The following ST3GAL3 variants were observed in gnomAD, a reference collection of about 807,000 sequenced individuals.
ST3GAL3 encodes the protein ST3 beta-galactoside alpha-2,3-sialyltransferase 3, also known as CMP-N-acetylneuraminate-beta-1,4-galactoside alpha-2,3-sialyltransferase.
Under a neutral mutation model 50.1 loss-of-function variants are expected in ST3GAL3, and 21 were observed. The observed-to-expected ratio is 0.42, with a 90% CI of 0.30 to 0.60. The LOEUF is 0.60. ST3GAL3 is among the 20% of genes least tolerant of loss of function. The probability of loss-of-function intolerance (pLI) is 0.19; values close to 1 mark genes in which losing one functional copy is unlikely to be tolerated. For synonymous variants in ST3GAL3, 183 were observed against 190.0 expected (o/e 0.96, Z 0.30); for missense variants, 353 against 489.4 (o/e 0.72, Z 2.63).
chr1:43,856,745 G>T (rs576259267), intron 5 of ST3GAL3, among the ~76,000 whole-genome samples: 2 of 152,286 alleles, frequency 1.3e-5, no homozygotes, highest in Admixed American at 6.5e-5. Context: ...AGCGTCAGGT[G>T]TTGGGACCTC....
chr1:43,797,534 A>C (rs997948486), intron 3 of ST3GAL3, among the ~76,000 whole-genome samples: 1 of 152,326 alleles, frequency 6.6e-6, no homozygotes, highest in Admixed American at 6.5e-5. Flanking sequence ...TGTCTAAAGA[A>C]AAAAAACTGC....
chr1:43,769,698 A>G (rs1694358653), intron 2 of ST3GAL3, among the ~76,000 whole-genome samples: 1 of 152,192 alleles, frequency 6.6e-6, no homozygotes, highest in Non-Finnish European at 1.5e-5. Context: ...TCTCTTTGCT[A>G]TCTTGAGAAC....
intron 5 of ST3GAL3, among the ~76,000 whole-genome samples, chr1:43,883,652 C>T (rs2075518374): frequency 6.6e-6 from 1 of 152,220 alleles, no homozygotes; most frequent in African/African-American, 2.4e-5. Context: ...TCACACATTG[C>T]TCCACCTGCC....
chr1:43,710,557 A>G (rs1040598151), intron 1 of ST3GAL3, among the ~76,000 whole-genome samples: 4 of 152,188 alleles, frequency 2.6e-5, no homozygotes, highest in Admixed American at 2.6e-4. Flanking sequence ...GCTCCCCATT[A>G]TCTGTTGCGT....
intron 2 of ST3GAL3, among the ~76,000 whole-genome samples, chr1:43,750,829 T>C (rs1403901231): frequency 6.6e-6 from 1 of 151,896 alleles, no homozygotes; most frequent in Non-Finnish European, 1.5e-5. Flanking sequence ...TGAGCTGTGC[T>C]CACGCCTCTG....
chr1:43,841,676 T>G (rs1429712783), intron 5 of ST3GAL3: 2 of 152,250 alleles, frequency 1.3e-5, no homozygotes, highest in Non-Finnish European at 2.9e-5. Context: ...CAATAATCTC[T>G]AAAATGCCTT....
At chr1:43,765,780 T>G (rs1038212285) in intron 2 of ST3GAL3, among the ~76,000 whole-genome samples, 1 of 138,846 alleles carries the variant, frequency 7.2e-6, no homozygotes, top group Admixed American at 6.9e-5. Flanking sequence ...TGTGTGTGTG[T>G]GTGTGCGCGC....
intron 2 of ST3GAL3, among the ~76,000 whole-genome samples, chr1:43,753,974 T>A (rs1687124408): frequency 6.6e-6 from 1 of 152,160 alleles, no homozygotes; most frequent in Non-Finnish European, 1.5e-5. Flanking sequence ...CCAGCCACCT[T>A]CACAGAACGT....
intron 9 of ST3GAL3, among the ~76,000 whole-genome samples, chr1:43,910,262 G>A (rs1043790246): frequency 6.6e-6 from 1 of 152,298 alleles, no homozygotes; most frequent in East Asian, 1.9e-4. Flanking sequence ...CCTGCCGAGG[G>A]TGTGGGCACC....
At chr1:43,846,893 A>G (rs1022647396) in intron 5 of ST3GAL3, among the ~76,000 whole-genome samples, 3 of 152,238 alleles carry the variant, frequency 2.0e-5, no homozygotes, top group African/African-American at 4.8e-5. Context: ...TTTGCAAATC[A>G]TATATCTGAT....
chr1:43,791,778 T>G (rs562027537), intron 2 of ST3GAL3, among the ~76,000 whole-genome samples: 1 of 152,344 alleles, frequency 6.6e-6, no homozygotes, highest in South Asian at 2.1e-4. Context: ...ACTTTTATTT[T>G]GCTTTGTTTT....
chr1:43,858,269 C>T (rs986615798), intron 5 of ST3GAL3: 37 of 1,287,968 alleles, frequency 2.9e-5, no homozygotes, highest in African/African-American at 1.5e-4. Flanking sequence ...ACTGGGGAGA[C>T]GTCCTGGTGA....
chr1:43,864,993 A>G (rs1475069853), intron 5 of ST3GAL3, among the ~76,000 whole-genome samples: 1 of 151,138 alleles, frequency 6.6e-6, no homozygotes, highest in Non-Finnish European at 1.5e-5. Flanking sequence ...ATTTCTTCCT[A>G]GTGTAAACAG....
intron 3 of ST3GAL3, among the ~76,000 whole-genome samples, chr1:43,793,706 C>G (rs145486305): frequency 6.6e-6 from 1 of 152,166 alleles, no homozygotes; most frequent in Admixed American, 6.5e-5. Flanking sequence ...AAACTTGCAT[C>G]TATTTGTATA....
At chr1:43,820,132 A>G (rs2154183135) in intron 4 of ST3GAL3, among the ~76,000 whole-genome samples, 1 of 152,296 alleles carries the variant, frequency 6.6e-6, no homozygotes. Flanking sequence ...GGAACATAAT[A>G]GAGAACCCAG....
At chr1:43,824,293 G>T (rs2062482218) in intron 4 of ST3GAL3, among the ~76,000 whole-genome samples, 1 of 151,728 alleles carries the variant, frequency 6.6e-6, no homozygotes, top group Non-Finnish European at 1.5e-5. Flanking sequence ...ATCTCCTGGA[G>T]AGACTGTCAC....
chr1:43,738,482 G>A (rs1386027828), intron 2 of ST3GAL3: 1 of 152,190 alleles, frequency 6.6e-6, no homozygotes, highest in Non-Finnish European at 1.5e-5. Flanking sequence ...AAATCAGACG[G>A]GTCCTCTTTG....
chr1:43,901,271 C>G (rs1350416604), intron 9 of ST3GAL3, among the ~76,000 whole-genome samples: 1 of 152,236 alleles, frequency 6.6e-6, no homozygotes, highest in Non-Finnish European at 1.5e-5. Flanking sequence ...CAGCCTCCCT[C>G]AGGGCAAGAG....
intron 2 of ST3GAL3, among the ~76,000 whole-genome samples, chr1:43,783,806 C>G (rs958406914): frequency 1.3e-5 from 2 of 152,140 alleles, no homozygotes; most frequent in Admixed American, 1.3e-4. Context: ...TTCCTGATGT[C>G]CCTGTGAACG....
Sources: gnomAD v4.1 joint callset for allele counts (sites outside exome capture counted in the v4.1 genomes callset) on GRCh38, gnomAD v4.1.1 for gene constraint, MANE v1.5 for transcripts, NCBI Gene and HGNC (gene_info 2026-07-23, HGNC 2026-07-21) for gene names.